Variants in ZDHHC14 observed in about 807,000 individuals in gnomAD.
ZDHHC14 encodes palmitoyltransferase ZDHHC14.
A neutral mutation model predicts 47.7 loss-of-function variants in ZDHHC14; 16 were observed. The observed-to-expected ratio is 0.34, with a 90% CI of 0.23 to 0.51. The LOEUF is 0.51. ZDHHC14 is among the 20% of genes least tolerant of loss of function. The probability of loss-of-function intolerance (pLI) is 0.97; values close to 1 mark genes in which losing one functional copy is unlikely to be tolerated. For missense variants in ZDHHC14, 515 were observed against 662.5 expected (o/e 0.78, Z 2.44); for synonymous variants, 293 against 278.9 (o/e 1.05, Z -0.50).
intron 2 of ZDHHC14, among the ~76,000 whole-genome samples, chr6:157,547,450 G>A (rs1185911885): frequency 6.6e-6 from 1 of 151,860 alleles, no homozygotes; most frequent in Non-Finnish European, 1.5e-5. Context: ...ATCCTAGACA[G>A]AGCATCCCCT....
intron 1 of ZDHHC14, among the ~76,000 whole-genome samples, chr6:157,419,509 T>C (rs1469784095): frequency 6.6e-6 from 1 of 152,226 alleles, no homozygotes; most frequent in Non-Finnish European, 1.5e-5. Context: ...GTCTTTTTAC[T>C]GTTTCTATAG....
chr6:157,516,211 C>T (rs932775115), intron 1 of ZDHHC14, among the ~76,000 whole-genome samples: 1 of 152,168 alleles, frequency 6.6e-6, no homozygotes, highest in Admixed American at 6.5e-5. Flanking sequence ...TATCATCCTC[C>T]ATGATATTAA....
At chr6:157,392,873 T>C (rs1481102504) in intron 1 of ZDHHC14, among the ~76,000 whole-genome samples, 2 of 152,152 alleles carry the variant, frequency 1.3e-5, no homozygotes, top group African/African-American at 2.4e-5. Context: ...TTATAACAAT[T>C]TTTTTTAATT....
intron 1 of ZDHHC14, among the ~76,000 whole-genome samples, chr6:157,521,495 C>A (rs1428313496): frequency 6.6e-6 from 1 of 152,204 alleles, no homozygotes; most frequent in African/African-American, 2.4e-5. Flanking sequence ...AAGGAGCTGG[C>A]AGATTTGGTG....
intron 2 of ZDHHC14, among the ~76,000 whole-genome samples, chr6:157,573,921 A>G (rs1783197011): frequency 6.6e-6 from 1 of 151,618 alleles, no homozygotes; most frequent in African/African-American, 2.4e-5. Flanking sequence ...TCTGTGCTCA[A>G]GCATGCTGGG....
At chr6:157,569,505 C>T (rs1449357310) in intron 2 of ZDHHC14, among the ~76,000 whole-genome samples, 2 of 152,058 alleles carry the variant, frequency 1.3e-5, no homozygotes, top group Non-Finnish European at 1.5e-5. Context: ...ATTCCCGGGC[C>T]AATGATTTCC....
intron 1 of ZDHHC14, among the ~76,000 whole-genome samples, chr6:157,510,347 A>G (rs1235108935): frequency 6.6e-6 from 1 of 152,200 alleles, no homozygotes; most frequent in East Asian, 1.9e-4. Context: ...TAAATCCCTG[A>G]AAAGAATGTT....
rs536454293 is a variant in ZDHHC14 at position 157,509,163 on chromosome 6, C to A, written c.246-33422C>A. Reference sequence around the variant, plus strand: ...CATCTCTCCAACACACTTCTTCCAACACCCCTCTACGCCCTTTGTCTTCTG... The same window carrying A: ...CATCTCTCCAACACACTTCTTCCAAAACCCCTCTACGCCCTTTGTCTTCTG... On this transcript the variant is annotated intron_variant, in intron 1 of 8. Transcript: ENST00000359775. 2.6e-5 allele frequency among the ~76,000 whole-genome samples: 4 copies of A among 152,310 alleles called. No homozygotes were observed. In the South Asian group the frequency reaches 8.3e-4, roughly 32 times the overall value.
rs1784067298 is a variant in ZDHHC14 at position 157,595,088 on chromosome 6, T to C, written c.565+1942T>C. Among the ~76,000 whole-genome samples the C allele has an allele frequency of 2.0e-5, 3 of 152,112 alleles. No individual in the cohort carries two copies. The South Asian group carries it at 6.2e-4, about 32-fold the overall frequency. On this transcript the variant is annotated intron_variant, in intron 3 of 8. Coordinates refer to ENST00000359775, the MANE Select transcript of ZDHHC14 (RefSeq NM_024630.3). ...AGGTCTTACTGGGCACTTCCTTCTC[T>C]TTATCATTTATAAAACTTTTTATTC...
rs1336478823 is a variant in ZDHHC14, at chr6:157,677,589, G to T, written c.*4467G>T. Reference sequence around the variant, plus strand: ...ATAGCCACAACTGGAGTTATTTTTTGATCTCATAAACCCCAGGAATTACAC... The same window carrying T: ...ATAGCCACAACTGGAGTTATTTTTTTATCTCATAAACCCCAGGAATTACAC... On this transcript the variant is annotated 3_prime_UTR_variant, in exon 9 of 9. Coordinates refer to ENST00000359775, the MANE Select transcript of ZDHHC14 (RefSeq NM_024630.3). The T allele has an allele frequency of 6.6e-6, 1 of 152,030 alleles. No individual in the cohort carries two copies. The highest frequency in any genetic ancestry group is 2.4e-5 in the African/African-American group (1 of 41,386). 9.4% of individuals were successfully genotyped at this position (152,030 alleles called of 1,614,324 possible). A position where few individuals can be genotyped will look rare whatever the true frequency, so the allele number is the denominator to read the frequency against.
At chr6:157,498,784 G>C (rs954809704) in intron 1 of ZDHHC14, among the ~76,000 whole-genome samples, 1 of 152,156 alleles carries the variant, frequency 6.6e-6, no homozygotes, top group African/African-American at 2.4e-5. Flanking sequence ...AGATAAAGGT[G>C]GTAGTATATC....
At chr6:157,669,246 G>A (rs1778684991) in intron 8 of ZDHHC14, among the ~76,000 whole-genome samples, 1 of 152,098 alleles carries the variant, frequency 6.6e-6, no homozygotes, top group African/African-American at 2.4e-5. Context: ...TGCAGGCTTA[G>A]GTGGCAGAGA....
chr6:157,605,407 C>A (rs1784499926), intron 3 of ZDHHC14, among the ~76,000 whole-genome samples: 1 of 152,066 alleles, frequency 6.6e-6, no homozygotes, highest in African/African-American at 2.4e-5. Context: ...ACTATTTGTA[C>A]TAAGAGAGCT....
intron 1 of ZDHHC14, among the ~76,000 whole-genome samples, chr6:157,455,358 A>G (rs1778889047): frequency 6.6e-6 from 1 of 152,232 alleles, no homozygotes; most frequent in Non-Finnish European, 1.5e-5. Flanking sequence ...AACTGAGAAA[A>G]GACAAAAGCA....
intron 3 of ZDHHC14, among the ~76,000 whole-genome samples, chr6:157,605,051 A>G (rs1227072430): frequency 6.6e-6 from 1 of 152,202 alleles, no homozygotes; most frequent in Non-Finnish European, 1.5e-5. Flanking sequence ...TAAACGTTTC[A>G]CCAAATTCCA....
intron 1 of ZDHHC14, among the ~76,000 whole-genome samples, chr6:157,512,606 G>A (rs1780534496): frequency 1.3e-5 from 2 of 152,178 alleles, no homozygotes; most frequent in Admixed American, 6.5e-5. Context: ...ACTAAGGAAG[G>A]CAGATGTGGG....
chr6:157,562,488 A>G (rs892105820), intron 2 of ZDHHC14, among the ~76,000 whole-genome samples: 6 of 152,238 alleles, frequency 3.9e-5, no homozygotes, highest in Admixed American at 1.3e-4. Context: ...TGGGCTCTCC[A>G]TGCGATTCTC....
chr6:157,385,914 A>G (rs1255985903), intron 1 of ZDHHC14, among the ~76,000 whole-genome samples: 3 of 152,232 alleles, frequency 2.0e-5, no homozygotes, highest in South Asian at 2.1e-4. Flanking sequence ...TAGTTTCCCA[A>G]TCTGTAAACT....
At position 157,483,710 on chromosome 6, in the gene ZDHHC14, C is replaced by T. The variant is rs564383084; in HGVS notation, c.246-58875C>T. Among the ~76,000 whole-genome samples, 568 of 152,250 alleles carry T rather than the reference C, an allele frequency of 3.7e-3. 1 individual carries two copies. Among genetic ancestry groups the T allele is most frequent in the African/African-American group, 0.013 (544 of 41,544 alleles). The stretch of plus-strand genomic sequence containing the variant: ...GGAGGTTTGACGGTGGGTAAAGCCC[C>T]TTTGCATCCGTGGACCTTCCATGTT... On this transcript the variant is annotated intron_variant, in intron 1 of 8. Transcript: ENST00000359775.
Sources: allele counts gnomAD v4.1 joint callset (sites outside exome capture counted in the v4.1 genomes callset), GRCh38; gene constraint gnomAD v4.1.1; transcripts MANE v1.5; gene names NCBI Gene and HGNC (gene_info 2026-07-23, HGNC 2026-07-21).